The following LRRC31 variants were observed in gnomAD, a reference collection of about 807,000 sequenced individuals.
LRRC31 encodes leucine-rich repeat-containing protein 31.
Under a neutral mutation model 46.7 loss-of-function variants are expected in LRRC31, and 35 were observed. That is an observed-to-expected ratio of 0.75 (90% CI 0.57 to 0.99). The LOEUF is 0.99. LRRC31 is among the 50% of genes least tolerant of loss of function. The pLI is 0.00. For missense variants in LRRC31, 613 were observed against 626.1 expected (o/e 0.98, Z 0.22); for synonymous variants, 236 against 235.1 (o/e 1.00, Z -0.03).
chr3:169,841,633 A>G (rs557183576), intron 8 of LRRC31, among the ~76,000 whole-genome samples: 1 of 152,340 alleles, frequency 6.6e-6, no homozygotes, highest in South Asian at 2.1e-4. Flanking sequence ...TCAAACACAA[A>G]AAGTAGAGAG....
intron 8 of LRRC31, among the ~76,000 whole-genome samples, chr3:169,841,574 C>A (rs1780450266): frequency 1.3e-5 from 2 of 152,142 alleles, no homozygotes; most frequent in South Asian, 4.1e-4. Flanking sequence ...ACTGTTAAAA[C>A]AATGTGCACG....
Position 169,867,038 on chromosome 3 carries a change from G to GTTT in LRRC31, c.175+2592_175+2594dup, listed in dbSNP as rs1324128884. ...GTCTCAGAAAGAAAATTGGCCATGG[G>GTTT]TTTTTTTTGTTTGTTTGTTTGTTTT... On this transcript the variant is annotated intron_variant, in intron 1 of 8. Transcript: ENST00000316428. Among the ~76,000 whole-genome samples, 86 of 126,298 alleles carry GTTT rather than the reference G, an allele frequency of 6.8e-4. 11 individuals carry two copies. The highest frequency in any genetic ancestry group is 3.7e-3 in the Middle Eastern group (1 of 272). 82.9% of individuals were successfully genotyped at this position (126,298 alleles called of 152,430 possible). A position where few individuals can be genotyped will look rare whatever the true frequency, so the allele number is the denominator to read the frequency against.
rs751589212 is a variant in LRRC31 at position 169,861,810 on chromosome 3, T to A, written c.179A>T (p.Lys60Met). 11 of 1,613,164 alleles carry A rather than the reference T, an allele frequency of 6.8e-6. No individual in the cohort carries two copies. The African/African-American group carries it at 1.5e-4, about 22-fold the overall frequency. Residue 60 changes from lysine to methionine, a missense_variant, in exon 2 of 9, where the codon AAG becomes ATG. Lys to Met is a moderately conservative substitution (Grantham distance 95, BLOSUM62 -1). Coordinates refer to ENST00000316428, the MANE Select transcript of LRRC31 (RefSeq NM_024727.4). ...IQKTATSETA[K>M]PLSSEMEWRS... ...CCATTCCATTTCTGAACTGAGAGGC[T>A]TAGCTGTGTGATAAGCATAAAAAAG...
At chr3:169,865,651 C>T (rs1781307941) in intron 1 of LRRC31, among the ~76,000 whole-genome samples, 1 of 152,176 alleles carries the variant, frequency 6.6e-6, no homozygotes. Flanking sequence ...AAGAAAGCCA[C>T]CGTTACCGTA....
chr3:169,847,160 G>A (rs1277351520), intron 8 of LRRC31, among the ~76,000 whole-genome samples: 1 of 152,090 alleles, frequency 6.6e-6, no homozygotes, highest in African/African-American at 2.4e-5. Context: ...TGGGAAAGTG[G>A]AAACATAGAA....
chr3:169,847,797 T>C (rs1011790079), intron 8 of LRRC31, among the ~76,000 whole-genome samples: 7 of 152,216 alleles, frequency 4.6e-5, no homozygotes, highest in Non-Finnish European at 1.0e-4. Context: ...GCTGGAACCA[T>C]GTGGATGGGT....
At chr3:169,844,232 C>T (rs1027984901) in intron 8 of LRRC31, among the ~76,000 whole-genome samples, 10 of 152,028 alleles carry the variant, frequency 6.6e-5, no homozygotes, top group African/African-American at 1.2e-4. Context: ...TAACATCCAA[C>T]GCTATATAAA....
Position 169,846,719 on chromosome 3 carries a change from C to G in LRRC31, c.1327+1401G>C, listed in dbSNP as rs545001104. On this transcript the variant is annotated intron_variant, in intron 8 of 8. Transcript: ENST00000316428. ...CAACAACCCTCATCTCTCCACACAC[C>G]CTCTTTCCACCAATGGAAGTGTGGA... Among the ~76,000 whole-genome samples, 5 of 152,164 alleles carry G rather than the reference C, an allele frequency of 3.3e-5. No homozygotes were observed. The South Asian group carries it at 1.0e-3, about 32-fold the overall frequency.
chr3:169,862,556 A>G (rs1576801045), intron 1 of LRRC31, among the ~76,000 whole-genome samples: 1 of 152,008 alleles, frequency 6.6e-6, no homozygotes, highest in East Asian at 1.9e-4. Flanking sequence ...AGGTCAGGAG[A>G]TCAACACCAT....
intron 3 of LRRC31, among the ~76,000 whole-genome samples, chr3:169,859,758 A>G (rs1248702768): frequency 6.6e-6 from 1 of 152,206 alleles, no homozygotes; most frequent in Non-Finnish European, 1.5e-5. Context: ...TTGGAATTGT[A>G]AAAGAACTTA....
At chr3:169,845,984 A>C (rs1174117145) in intron 8 of LRRC31, among the ~76,000 whole-genome samples, 1 of 152,234 alleles carries the variant, frequency 6.6e-6, no homozygotes, top group African/African-American at 2.4e-5. Flanking sequence ...ATTCAGAAAA[A>C]TCTAAAAAAC....
chr3:169,855,043 C>A, intron 5 of LRRC31, 63 bp from the exon 6 acceptor site: 3 of 1,423,156 alleles, frequency 2.1e-6, no homozygotes, highest in Non-Finnish European at 2.9e-6. Flanking sequence ...ATAGTCCCAG[C>A]TGCTAGGGAG....
At chr3:169,843,829 A>G (rs1032476783) in intron 8 of LRRC31, among the ~76,000 whole-genome samples, 3 of 152,240 alleles carry the variant, frequency 2.0e-5, no homozygotes, top group African/African-American at 7.2e-5. Context: ...CTTTATTTCC[A>G]TAAATTCAAC....
rs1323179240 is a variant in LRRC31, at chr3:169,839,469, A to T, written c.*513T>A. On this transcript the variant is annotated 3_prime_UTR_variant, in exon 9 of 9. Coordinates refer to ENST00000316428, the MANE Select transcript of LRRC31 (RefSeq NM_024727.4). Reference sequence around the variant, plus strand: ...ACATAGACTACATTAAGATACATATAGTAATAGTAATGATACATGAAACTA... The same window carrying T: ...ACATAGACTACATTAAGATACATATTGTAATAGTAATGATACATGAAACTA... 1 of 152,120 alleles carries T rather than the reference A, an allele frequency of 6.6e-6. No individual in the cohort carries two copies. The highest frequency in any genetic ancestry group is 1.9e-4 in the East Asian group (1 of 5,202). The allele number at this position is 152,120 out of a possible 1,614,324, so 9.4% of individuals were successfully genotyped here. A position where few individuals can be genotyped will look rare whatever the true frequency, so the allele number is the denominator to read the frequency against.
At chr3:169,866,512 G>C (rs529639460) in intron 1 of LRRC31, among the ~76,000 whole-genome samples, 1 of 152,294 alleles carries the variant, frequency 6.6e-6, no homozygotes, top group Admixed American at 6.5e-5. Flanking sequence ...ACAATTTTCT[G>C]ATAGAGATGG....
At chr3:169,859,199 G>A (rs1781070425) in intron 3 of LRRC31, among the ~76,000 whole-genome samples, 1 of 150,954 alleles carries the variant, frequency 6.6e-6, no homozygotes, top group Non-Finnish European at 1.5e-5. Flanking sequence ...GGAGGCTGAG[G>A]CAGGAGAATC....
At chr3:169,869,570 T>G (rs1781427554) in intron 1 of LRRC31, 63 bp downstream of exon 1, 1 of 1,421,078 alleles carries the variant, frequency 7.0e-7, no homozygotes, top group Non-Finnish European at 9.4e-7. Flanking sequence ...TAAAAATATT[T>G]TAAATGTGGA....
intron 7 of LRRC31, 146 bp from the exon 8 acceptor site, chr3:169,848,433 T>G (rs1780667472): frequency 3.0e-6 from 2 of 666,812 alleles, no homozygotes; most frequent in East Asian, 2.8e-5. Flanking sequence ...TGCCTTAAAT[T>G]TATGGCCTCA....
chr3:169,856,618 A>G, intron 4 of LRRC31, 87 bp downstream of exon 4: 1 of 1,430,958 alleles, frequency 7.0e-7, no homozygotes, highest in Non-Finnish European at 9.3e-7. Context: ...CCTTCTTTAA[A>G]TTCAGAATAA....
Sources: allele counts gnomAD v4.1 joint callset (sites outside exome capture counted in the v4.1 genomes callset), GRCh38; gene constraint gnomAD v4.1.1; transcripts MANE v1.5; gene names NCBI Gene and HGNC (gene_info 2026-07-23, HGNC 2026-07-21).